Variants in FRZB observed in about 807,000 individuals in gnomAD.
FRZB encodes the protein secreted frizzled-related protein 3.
Under a neutral mutation model 32.5 loss-of-function variants are expected in FRZB, and 34 were observed. That is an observed-to-expected ratio of 1.05 (90% CI 0.80 to 1.39). The LOEUF (loss-of-function observed/expected upper bound fraction) is 1.39, where lower values mean the gene tolerates loss of function less well. FRZB is among the 40% of genes most tolerant of loss of function. The pLI, the probability that FRZB is intolerant of heterozygous loss-of-function variation, is 0.00. For synonymous variants in FRZB, 170 were observed against 159.2 expected, an observed-to-expected ratio of 1.07 and a Z score of -0.51; for missense variants, 423 against 424.8, an observed-to-expected ratio of 1.00 and a Z score of 0.04.
intron 1 of FRZB, among the ~76,000 whole-genome samples, chr2:182,860,373 A>G (rs1408031291): frequency 1.3e-5 from 2 of 152,200 alleles, no homozygotes; most frequent in Non-Finnish European, 2.9e-5. Context: ...TTCAGAAAAA[A>G]TGTCTATTGG....
At chr2:182,842,935 G>A (rs1224396325) in intron 2 of FRZB, among the ~76,000 whole-genome samples, 1 of 152,154 alleles carries the variant, frequency 6.6e-6, no homozygotes, top group African/African-American at 2.4e-5. Context: ...GGTTTGCCCT[G>A]TGGACTATCA....
In FRZB at chr2:182,866,333, C is replaced by T; in HGVS notation, c.220G>A (p.Gly74Ser). The T allele has an allele frequency of 6.2e-7, 1 of 1,614,220 alleles. No individual in the cohort carries two copies. Among genetic ancestry groups the T allele is most frequent in the Non-Finnish European group, 8.5e-7 (1 of 1,180,020 alleles). ...GGGCTGCAGTGGGTGCCCAGCAGAC[C>T]TTCGAACTGCTCGATGGCCAGGATG... ...NAILAIEQFEGLLGTHCSPDL... is the reference protein window; with the variant it reads ...NAILAIEQFESLLGTHCSPDL... The change falls in exon 1 of 6, where the codon GGT becomes AGT. Residue 74 changes from glycine to serine, a missense_variant. Gly to Ser is a moderately conservative substitution (Grantham distance 56). Transcript: ENST00000295113. The surrounding 1 kb of genome is among the most constrained non-coding windows in gnomAD (Gnocchi z 4.5).
intron 4 of FRZB, 61 bp downstream of exon 4, chr2:182,838,346 GAC>G: frequency 7.3e-7 from 1 of 1,367,472 alleles, no homozygotes; most frequent in Non-Finnish European, 1.0e-6. Context: ...CATCTCTAGA[GAC>G]AAATTTAATG....
chr2:182,835,978 A>G lies in FRZB; in HGVS notation c.862-1013T>C, dbSNP rs143254403. On this transcript the variant is annotated intron_variant, in intron 5 of 5. Transcript: ENST00000295113. ...CTGATAATAGAATCTACTTATAAGT[A>G]GATACATCTGAAGATTAATAAAAAT... 2.7e-3 allele frequency among the ~76,000 whole-genome samples: 411 copies of G among 152,274 alleles called. 3 individuals are homozygous for G. Among genetic ancestry groups the G allele is most frequent in the African/African-American group, 9.3e-3 (387 of 41,568 alleles).
intron 3 of FRZB, 38 bp downstream of exon 3, chr2:182,842,440 C>A: frequency 1.4e-6 from 2 of 1,455,326 alleles, no homozygotes; most frequent in Non-Finnish European, 1.9e-6. Context: ...CCTCTCTTAA[C>A]ACAGCAGTTT....
intron 5 of FRZB, among the ~76,000 whole-genome samples, chr2:182,836,333 A>G (rs1172513875): frequency 6.6e-6 from 1 of 152,106 alleles, no homozygotes; most frequent in African/African-American, 2.4e-5. Flanking sequence ...CTGGAAAACT[A>G]AAATAGGAAT....
At chr2:182,858,977 C>T (rs542570212) in intron 1 of FRZB, 144 bp from the exon 2 acceptor site, 115 of 663,150 alleles carry the variant, frequency 1.7e-4, no homozygotes, top group African/African-American at 1.1e-3. Flanking sequence ...GTCATGAGGT[C>T]GGCATTCTTA....
At chr2:182,837,093 C>T (rs369871904) in intron 5 of FRZB, among the ~76,000 whole-genome samples, 1 of 147,810 alleles carries the variant, frequency 6.8e-6, no homozygotes, top group Admixed American at 6.8e-5. Context: ...CCCACCCACA[C>T]ATCCTTTGAG....
At position 182,838,975 on chromosome 2, in the gene FRZB, C is replaced by A. The variant is rs115520755; in HGVS notation, c.593-362G>T. ...TTTTGGATGTGTATATATGCATGTG[C>A]AGTTCCAATTGCTGCCAAGAGGAAT... On this transcript the variant is annotated intron_variant, in intron 3 of 5. Coordinates refer to ENST00000295113, the MANE Select transcript of FRZB (RefSeq NM_001463.4). 3.5e-3 allele frequency among the ~76,000 whole-genome samples: 537 copies of A among 152,226 alleles called. 3 individuals carry two copies. The highest frequency in any genetic ancestry group is 0.012 in the African/African-American group (514 of 41,554).
rs36077496 is a variant in FRZB at position 182,866,465 on chromosome 2, C to T, written c.88G>A (p.Ala30Thr). The T allele has an allele frequency of 2.6e-6, 4 of 1,564,512 alleles. No homozygotes were observed. The highest frequency in any genetic ancestry group is 3.5e-6 in the Non-Finnish European group (4 of 1,152,502). ...AALCLLRVPG[A>T]RAAACEPVRI... Reference sequence around the variant, plus strand: ...ACGGGCTCACAGGCTGCAGCCCGAGCCCCGGGCACCCGGAGCAGGCAGAGA... The same window carrying T: ...ACGGGCTCACAGGCTGCAGCCCGAGTCCCGGGCACCCGGAGCAGGCAGAGA... Residue 30 changes from alanine to threonine, a missense_variant, in exon 1 of 6, where the codon GCT becomes ACT. Coordinates refer to ENST00000295113, the MANE Select transcript of FRZB (RefSeq NM_001463.4). This position sits in a 1 kb window ranked among gnomAD's most constrained non-coding sequence, Gnocchi z 4.5.
chr2:182,864,118 T>C (rs1205777124), intron 1 of FRZB, among the ~76,000 whole-genome samples: 1 of 152,258 alleles, frequency 6.6e-6, no homozygotes, highest in Non-Finnish European at 1.5e-5. Flanking sequence ...ATGTCCTATT[T>C]GAGTGCTTCA....
intron 2 of FRZB, among the ~76,000 whole-genome samples, chr2:182,845,873 T>G (rs1463875080): frequency 6.6e-6 from 1 of 152,222 alleles, no homozygotes; most frequent in African/African-American, 2.4e-5. Context: ...TGGAGACTGT[T>G]TATTTCATAG....
At chr2:182,850,702 T>C (rs534175616) in intron 2 of FRZB, among the ~76,000 whole-genome samples, 16 of 152,360 alleles carry the variant, frequency 1.1e-4, no homozygotes, top group African/African-American at 3.4e-4. Flanking sequence ...ATACAGATAT[T>C]CTTCAATGTA....
intron 2 of FRZB, among the ~76,000 whole-genome samples, chr2:182,851,561 C>G (rs904064807): frequency 5.3e-5 from 8 of 151,900 alleles, no homozygotes; most frequent in African/African-American, 1.9e-4. Flanking sequence ...GAGGCTAAGA[C>G]AGGAGAATTG....
chr2:182,866,033 A>C lies in FRZB; in HGVS notation c.478+42T>G. On this transcript the variant is annotated intron_variant, in intron 1 of 5. Transcript: ENST00000295113. This position sits in a 1 kb window ranked among gnomAD's most constrained non-coding sequence, Gnocchi z 4.5. ...GTAACAAGGACTCCAAGAATTGAGG[A>C]GGCTGTAGGGTAAGGGAAGGGTGGG... is the stretch of plus-strand genomic sequence containing the variant. The C allele has an allele frequency of 6.8e-7, 1 of 1,474,404 alleles. No individual in the cohort carries two copies. Among genetic ancestry groups the C allele is most frequent in the Non-Finnish European group, 9.3e-7 (1 of 1,070,776 alleles). 91.3% of individuals were successfully genotyped at this position (1,474,404 alleles called of 1,614,324 possible).
chr2:182,860,260 C>T (rs73042107), intron 1 of FRZB, among the ~76,000 whole-genome samples: 8,506 of 151,894 alleles, frequency 0.056, 774 homozygotes, highest in African/African-American at 0.2. Flanking sequence ...AATAATTGAT[C>T]AAAAAATTAT....
At chr2:182,854,464 C>T (rs1695746061) in intron 2 of FRZB, among the ~76,000 whole-genome samples, 1 of 152,160 alleles carries the variant, frequency 6.6e-6, no homozygotes, top group African/African-American at 2.4e-5. Flanking sequence ...TTTTTTCCCT[C>T]TGGTATCCAC....
At chr2:182,847,192 T>C (rs530805164) in intron 2 of FRZB, among the ~76,000 whole-genome samples, 1 of 152,346 alleles carries the variant, frequency 6.6e-6, no homozygotes, top group South Asian at 2.1e-4. Flanking sequence ...AAACACAATG[T>C]ATATGTGTAA....
chr2:182,854,868 C>A (rs917953847), intron 2 of FRZB, among the ~76,000 whole-genome samples: 6 of 152,126 alleles, frequency 3.9e-5, no homozygotes, highest in African/African-American at 1.4e-4. Context: ...TTCCAAGGAA[C>A]TGAAAAGTGC....
Sources: gnomAD v4.1 joint callset for allele counts (sites outside exome capture counted in the v4.1 genomes callset) on GRCh38, gnomAD v4.1.1 for gene constraint, Gnocchi (gnomAD v3.1) non-coding constraint, MANE v1.5 for transcripts, NCBI Gene and HGNC (gene_info 2026-07-23, HGNC 2026-07-21) for gene names.